The following DAGLB variants were observed in gnomAD, a reference collection of about 807,000 sequenced individuals.
DAGLB encodes the protein diacylglycerol lipase beta, also known as diacylglycerol lipase-beta.
A neutral mutation model predicts 72.1 loss-of-function variants in DAGLB; 66 were observed. The observed-to-expected ratio is 0.92, with a 90% CI of 0.75 to 1.12. The LOEUF is 1.12. DAGLB is among the 50% of genes most tolerant of loss of function. The pLI, the probability that DAGLB is intolerant of heterozygous loss-of-function variation, is 0.00. For missense variants in DAGLB, 1,065 were observed against 884.9 expected (o/e 1.20, Z -2.58); for synonymous variants, 414 against 359.5 (o/e 1.15, Z -1.71).
intron 8 of DAGLB, chr7:6,422,225 G>C: frequency 3.0e-6 from 1 of 335,326 alleles, no homozygotes; most frequent in Middle Eastern, 1.1e-3. Flanking sequence ...GCAGTGCCGA[G>C]TCAGAGGATG....
rs543787333 is a variant in DAGLB at position 6,410,131 on chromosome 7, G to A, written c.1819C>T (p.Arg607Trp). The part of the protein sequence containing the change: ...IHLQEEGASG[R>W]FGCCSAAHYS... ...CCACACCCACCACGCCGCACTCACC[G>A]CCCCGAGGCGCCCTCCTCCTGCAGG... is the stretch of plus-strand genomic sequence containing the variant. Residue 607 changes from arginine (R) to tryptophan (W), a missense_variant and splice_region_variant, in exon 14 of 15, where the codon CGG becomes TGG. Arg to Trp is a moderately radical substitution (Grantham distance 101). Coordinates refer to ENST00000297056, the MANE Select transcript of DAGLB (RefSeq NM_139179.4). 8.3e-6 allele frequency: 13 copies of A among 1,569,772 alleles called. No homozygotes were observed. The highest frequency in any genetic ancestry group is 1.7e-4 in the Middle Eastern group (1 of 5,860).
At chr7:6,436,659 C>A in intron 2 of DAGLB, 126 bp from the exon 3 acceptor site, 1 of 1,192,242 alleles carries the variant, frequency 8.4e-7, no homozygotes, top group African/African-American at 1.6e-5. Context: ...CTGACTTTTT[C>A]TACTTATAAT....
At chr7:6,431,532 G>A (rs867162985) in intron 5 of DAGLB, among the ~76,000 whole-genome samples, 1 of 152,180 alleles carries the variant, frequency 6.6e-6, no homozygotes, top group African/African-American at 2.4e-5. Flanking sequence ...AGCACTTTGG[G>A]GGGCCAAGGC....
rs1428934219 is a variant in DAGLB at position 6,447,878 on chromosome 7, C to T, written c.-36G>A. 1.9e-6 allele frequency: 3 copies of T among 1,571,384 alleles called. No individual in the cohort carries two copies. In the African/African-American group the frequency reaches 4.1e-5, roughly 21 times the overall value. On this transcript the variant is annotated 5_prime_UTR_variant, in exon 1 of 15. Transcript: ENST00000297056. ...CCGTAGCTCGCACTCAGGAGAGACC[C>T]CGCGCGCCGTTCACCGAGAACAAAC...
Position 6,409,967 on chromosome 7 carries a change from A to G in DAGLB, c.1889T>C (p.Leu630Pro). The change falls in exon 15 of 15, where the codon CTC becomes CCC. Residue 630 changes from leucine to proline, a missense_variant. Transcript: ENST00000297056. ...WSHEAEFSKI[L>P]IGPKMLTDHM... Reference sequence around the variant, plus strand: ...GTCGGTGAGCATCTTCGGACCTATGAGTATTTTGCTGAATTCCGCTTCGTG... The same window carrying G: ...GTCGGTGAGCATCTTCGGACCTATGGGTATTTTGCTGAATTCCGCTTCGTG... 6.2e-7 allele frequency: 1 copy of G among 1,614,126 alleles called. No individual in the cohort carries two copies. The highest frequency in any genetic ancestry group is 8.5e-7 in the Non-Finnish European group (1 of 1,180,032).
At position 6,447,894 on chromosome 7, in the gene DAGLB, G is replaced by C. The variant is rs1302898320; in HGVS notation, c.-52C>G. 7.1e-6 allele frequency: 11 copies of C among 1,550,526 alleles called. No homozygotes were observed. The highest frequency in any genetic ancestry group is 9.5e-6 in the Non-Finnish European group (11 of 1,154,054). On this transcript the variant is annotated 5_prime_UTR_variant, in exon 1 of 15. Transcript: ENST00000297056. The stretch of plus-strand genomic sequence containing the variant: ...GGAGAGACCCCGCGCGCCGTTCACC[G>C]AGAACAAACCAGCACCCTCCGGACG...
Position 6,431,810 on chromosome 7 carries a change from G to T in DAGLB, c.801+1027C>A, listed in dbSNP as rs374760066. On this transcript the variant is annotated intron_variant, in intron 5 of 14. Transcript: ENST00000297056. ...ATAAAGATATGATGGATGATAAAGT[G>T]GCCAGGAATGGGTTCCCACTACCTG... Among the ~76,000 whole-genome samples, 4 of 152,026 alleles carry T rather than the reference G, an allele frequency of 2.6e-5. No individual in the cohort carries two copies. In the East Asian group the frequency reaches 7.7e-4, roughly 29 times the overall value.
intron 4 of DAGLB, among the ~76,000 whole-genome samples, chr7:6,433,339 C>G (rs991945790): frequency 6.6e-6 from 1 of 152,142 alleles, no homozygotes; most frequent in Non-Finnish European, 1.5e-5. Flanking sequence ...TCTCAAGATG[C>G]TGGGAAGGTT....
Position 6,430,466 on chromosome 7 carries a change from CTG to C in DAGLB, c.929+12_929+13del. 6.7e-7 allele frequency: 1 copy of C among 1,501,698 alleles called. No homozygotes were observed. The highest frequency in any genetic ancestry group is 9.0e-7 in the Non-Finnish European group (1 of 1,116,456). 93.0% of individuals were successfully genotyped at this position (1,501,698 alleles called of 1,614,324 possible). ...GGAAATATGGCTATGGAGGCTCAGA[CTG>C]TGCCAACCCACCAGTCACCACCAAT... On this transcript the variant is annotated intron_variant, in intron 6 of 14. Transcript: ENST00000297056.
At chr7:6,422,141 C>T (rs529581415) in intron 8 of DAGLB, 110 of 381,968 alleles carry the variant, frequency 2.9e-4, no homozygotes, top group African/African-American at 1.9e-3. Flanking sequence ...GCCTGGTTCC[C>T]GTCCTCAGGA....
At chr7:6,434,333 A>C (rs35444732) in intron 4 of DAGLB, among the ~76,000 whole-genome samples, 25,279 of 152,194 alleles carry the variant, frequency 0.17, 2,491 homozygotes, top group East Asian at 0.23. Context: ...CTGTCTTCCA[A>C]AAGTAGCATC....
Position 6,409,408 on chromosome 7 carries a change from A to T in DAGLB, c.*429T>A. On this transcript the variant is annotated 3_prime_UTR_variant, in exon 15 of 15. Coordinates refer to ENST00000297056, the MANE Select transcript of DAGLB (RefSeq NM_139179.4). ...TCACCACAGTTCCATTTGTACATCCAGGAAGCCCAGTTTGAAAAACAAACC... is the reference window on the plus strand; with the variant it reads ...TCACCACAGTTCCATTTGTACATCCTGGAAGCCCAGTTTGAAAAACAAACC... 5.7e-6 allele frequency: 1 copy of T among 174,384 alleles called. No individual in the cohort carries two copies. The highest frequency in any genetic ancestry group is 5.6e-5 in the Admixed American group (1 of 17,916). The allele number at this position is 174,384 out of a possible 1,614,324, so 10.8% of individuals were successfully genotyped here. A position where few individuals can be genotyped will look rare whatever the true frequency, so the allele number is the denominator to read the frequency against.
intron 2 of DAGLB, among the ~76,000 whole-genome samples, chr7:6,438,714 G>A (rs1355787596): frequency 1.3e-5 from 2 of 152,158 alleles, no homozygotes; most frequent in Non-Finnish European, 2.9e-5. Flanking sequence ...ATCAAGAGAT[G>A]GAGTTGCTCT....
At chr7:6,439,861 G>A (rs916933190) in intron 2 of DAGLB, among the ~76,000 whole-genome samples, 8 of 151,862 alleles carry the variant, frequency 5.3e-5, no homozygotes, top group Admixed American at 3.9e-4. Context: ...AGACCAGCCT[G>A]GCCAACATGG....
At chr7:6,422,024 G>A in intron 8 of DAGLB, 1 of 658,300 alleles carries the variant, frequency 1.5e-6, no homozygotes. Flanking sequence ...CGTGAAGGGT[G>A]GAGGGGACCA....
At chr7:6,439,801 G>A (rs1436605895) in intron 2 of DAGLB, among the ~76,000 whole-genome samples, 2 of 151,116 alleles carry the variant, frequency 1.3e-5, no homozygotes, top group African/African-American at 2.4e-5. Context: ...CCTATAATCC[G>A]AGCAATTTGG....
At chr7:6,412,104 G>A (rs984895706) in intron 13 of DAGLB, among the ~76,000 whole-genome samples, 2 of 152,012 alleles carry the variant, frequency 1.3e-5, no homozygotes, top group Admixed American at 6.6e-5. Context: ...TACTAGAGAC[G>A]GGGTTTTGCC....
At chr7:6,414,891 A>G (rs1432979761) in intron 11 of DAGLB, among the ~76,000 whole-genome samples, 1 of 152,162 alleles carries the variant, frequency 6.6e-6, no homozygotes, top group Admixed American at 6.6e-5. Flanking sequence ...AAATGAGGCC[A>G]GGCACAGTGC....
At chr7:6,431,990 C>T (rs878918324) in intron 5 of DAGLB, among the ~76,000 whole-genome samples, 2 of 152,080 alleles carry the variant, frequency 1.3e-5, no homozygotes, top group Admixed American at 6.6e-5. Context: ...AACAAACCTT[C>T]GTGACATGAG....
Sources: gnomAD v4.1 joint callset for allele counts (sites outside exome capture counted in the v4.1 genomes callset) on GRCh38, gnomAD v4.1.1 for gene constraint, MANE v1.5 for transcripts, NCBI Gene and HGNC (gene_info 2026-07-23, HGNC 2026-07-21) for gene names.